OR3A2: variants seen among roughly 807,000 people sequenced by gnomAD.
OR3A2 encodes olfactory receptor family 3 subfamily A member 2.
For missense variants in OR3A2, 318 were observed against 392.8 expected (o/e 0.81, Z 1.61); for synonymous variants, 126 against 159.3 (o/e 0.79, Z 1.57).
At chr17:3,290,052 T>G (rs1261652142) in intron 3 of OR3A2, among the ~76,000 whole-genome samples, 1 of 152,104 alleles carries the variant, frequency 6.6e-6, no homozygotes, top group Non-Finnish European at 1.5e-5. Flanking sequence ...ACCTTCTTCC[T>G]GACATCCTAG....
chr17:3,325,412 G>T (rs866124011), intron 3 of OR3A2, among the ~76,000 whole-genome samples: 12 of 151,836 alleles, frequency 7.9e-5, no homozygotes, highest in African/African-American at 2.7e-4. Context: ...GTTTCACCAG[G>T]TTGGCCAGGC....
intron 3 of OR3A2, among the ~76,000 whole-genome samples, chr17:3,300,831 T>TC (rs1555525556): frequency 7.7e-6 from 1 of 130,670 alleles, no homozygotes. Flanking sequence ...CCTAATGCTG[T>TC]CCCTCCCCCC....
chr17:3,313,464 C>T (rs563178774), intron 3 of OR3A2, among the ~76,000 whole-genome samples: 1 of 152,356 alleles, frequency 6.6e-6, no homozygotes, highest in South Asian at 2.1e-4. Context: ...CTCCCTAACT[C>T]AGTGCTGTCT....
At chr17:3,360,193 G>A (rs1477080581) in intron 2 of OR3A2, among the ~76,000 whole-genome samples, 1 of 151,708 alleles carries the variant, frequency 6.6e-6, no homozygotes. Flanking sequence ...ATTTTTTCAT[G>A]TGTCTGTTGG....
intron 2 of OR3A2, among the ~76,000 whole-genome samples, chr17:3,366,990 A>G (rs1068692): frequency 0.69 from 105,656 of 152,102 alleles, 38,321 homozygotes; most frequent in East Asian, 1. Flanking sequence ...AGACTGGTGT[A>G]GGCTAATCAG....
intron 3 of OR3A2, among the ~76,000 whole-genome samples, chr17:3,309,510 T>C (rs1324134933): frequency 2.0e-5 from 3 of 152,182 alleles, no homozygotes; most frequent in Non-Finnish European, 4.4e-5. Context: ...CAAACCCACC[T>C]GGGAGCCTAA....
In OR3A2 at chr17:3,277,775, A is replaced by G. The variant is rs1006633976; in HGVS notation, c.*195T>C. ...AATGCCTTGGAAGACTGTCCAGATC[A>G]TAGAGGTACTCTAATAAGTATTTGT... is the stretch of plus-strand genomic sequence containing the variant. On this transcript the variant is annotated 3_prime_UTR_variant, in exon 2 of 2. Coordinates refer to ENST00000642052, the Ensembl canonical transcript of OR3A2. The G allele has an allele frequency of 8.2e-6, 5 of 609,706 alleles. No homozygotes were observed. In the African/African-American group the frequency reaches 9.2e-5, roughly 11 times the overall value. 37.8% of individuals were successfully genotyped at this position (609,706 alleles called of 1,614,324 possible).
chr17:3,326,004 T>C (rs1055230270), intron 3 of OR3A2, among the ~76,000 whole-genome samples: 1 of 152,102 alleles, frequency 6.6e-6, no homozygotes, highest in Admixed American at 6.6e-5. Flanking sequence ...TGTGCTCTCA[T>C]AGTTCATCTC....
chr17:3,367,649 TGATGGGCACTTA>T (rs2049576754), intron 2 of OR3A2, among the ~76,000 whole-genome samples: 1 of 145,146 alleles, frequency 6.9e-6, no homozygotes, highest in Non-Finnish European at 1.5e-5. Flanking sequence ...ACCTGTTGGT[TGATGGGCACTTA>T]GATTGGTTCC....
intron 3 of OR3A2, among the ~76,000 whole-genome samples, chr17:3,305,343 G>C (rs2048991347): frequency 6.6e-6 from 1 of 152,092 alleles, no homozygotes; most frequent in African/African-American, 2.4e-5. Flanking sequence ...TTGAAACAAA[G>C]ATATAGGCAA....
At chr17:3,293,760 G>A (rs972993544) in intron 3 of OR3A2, among the ~76,000 whole-genome samples, 2 of 152,152 alleles carry the variant, frequency 1.3e-5, no homozygotes, top group African/African-American at 2.4e-5. Context: ...TATACACCAC[G>A]GAATACTATG....
chr17:3,355,117 T>C (rs977142011), intron 2 of OR3A2, among the ~76,000 whole-genome samples: 1 of 151,476 alleles, frequency 6.6e-6, no homozygotes, highest in South Asian at 2.1e-4. Flanking sequence ...CCAAAATTCT[T>C]CTTATTATTG....
intron 2 of OR3A2, among the ~76,000 whole-genome samples, chr17:3,347,865 T>G (rs892934471): frequency 4.6e-5 from 7 of 152,324 alleles, no homozygotes; most frequent in African/African-American, 1.2e-4. Flanking sequence ...CCACCAACAG[T>G]GTAAAAGTGT....
At chr17:3,342,721 A>T (rs923437980) in intron 2 of OR3A2, among the ~76,000 whole-genome samples, 2 of 152,216 alleles carry the variant, frequency 1.3e-5, no homozygotes, top group Non-Finnish European at 2.9e-5. Context: ...TCTCCAAGTT[A>T]GGCTACCTGG....
upstream of OR3A2, among the ~76,000 whole-genome samples, chr17:3,284,702 T>TA (rs1256734117): frequency 2.1e-5 from 3 of 144,958 alleles, no homozygotes; most frequent in Non-Finnish European, 3.0e-5. Flanking sequence ...GGCAGGTTGT[T>TA]ACGGCAGATG....
intron 2 of OR3A2, among the ~76,000 whole-genome samples, chr17:3,340,406 G>A (rs572894148): frequency 6.6e-6 from 1 of 152,240 alleles, no homozygotes; most frequent in African/African-American, 2.4e-5. Flanking sequence ...TGGGCACTTA[G>A]TGCTATAAAT....
chr17:3,346,418 A>T (rs937925921), intron 2 of OR3A2, among the ~76,000 whole-genome samples: 1 of 152,112 alleles, frequency 6.6e-6, no homozygotes, highest in African/African-American at 2.4e-5. Context: ...AACTGGAGGG[A>T]ATGTTCCCTG....
At chr17:3,280,049 G>C (rs1202260382) in intron 1 of OR3A2, among the ~76,000 whole-genome samples, 1 of 152,112 alleles carries the variant, frequency 6.6e-6, no homozygotes, top group African/African-American at 2.4e-5. Context: ...ACTGTAAAAT[G>C]ATGTTTTTCT....
At position 3,291,939 on chromosome 17, in the gene OR3A2, G is replaced by T; in HGVS notation, c.-84-12786C>A. 1.9e-6 allele frequency: 3 copies of T among 1,614,092 alleles called. No homozygotes were observed. The East Asian group carries it at 6.7e-5, about 36-fold the overall frequency. On this transcript the variant is annotated intron_variant, in intron 3 of 4. Transcript: ENST00000573491. ...GTGGATATAGGAGATGACAATGAGAGCCATGGGGGTACCTGCCATTATAAA... is the reference window on the plus strand; with the variant it reads ...GTGGATATAGGAGATGACAATGAGATCCATGGGGGTACCTGCCATTATAAA...
Sources: allele counts gnomAD v4.1 joint callset (sites outside exome capture counted in the v4.1 genomes callset), GRCh38; gene constraint gnomAD v4.1.1; transcripts MANE v1.5; gene names NCBI Gene and HGNC (gene_info 2026-07-23, HGNC 2026-07-21).